Variants in DPYSL5 observed in about 807,000 individuals in gnomAD.
The protein encoded by DPYSL5 is dihydropyrimidinase-related protein 5.
In DPYSL5, 9 loss-of-function variants were observed where a neutral mutation model predicts 58.4. That is an observed-to-expected ratio of 0.15 (90% CI 0.09 to 0.27). The LOEUF is 0.27. Ranked by LOEUF, DPYSL5 falls within the 10% of genes least tolerant of loss-of-function variation. DPYSL5 has a pLI of 1.00. For missense variants in DPYSL5, 499 were observed against 770.6 expected (o/e 0.65, Z 4.17); for synonymous variants, 293 against 301.9 (o/e 0.97, Z 0.31).
At chr2:26,863,469 T>C (rs1374918470) in intron 1 of DPYSL5, among the ~76,000 whole-genome samples, 1 of 152,242 alleles carries the variant, frequency 6.6e-6, no homozygotes, top group African/African-American at 2.4e-5. Flanking sequence ...CTCATACCCC[T>C]GGGAGCTTGT....
At position 26,882,865 on chromosome 2, in the gene DPYSL5, C is replaced by T. The variant is rs1030668446; in HGVS notation, c.-4-15631C>T. Reference sequence around the variant, plus strand: ...GAGGCAGAGGTTGCAGTGAGCCGATCGTGCCACTGCACTCCAGCCTGGGTG... The same window carrying T: ...GAGGCAGAGGTTGCAGTGAGCCGATTGTGCCACTGCACTCCAGCCTGGGTG... On this transcript the variant is annotated intron_variant, in intron 1 of 12. Coordinates refer to ENST00000288699, the MANE Select transcript of DPYSL5 (RefSeq NM_020134.4). Among the ~76,000 whole-genome samples the T allele has an allele frequency of 3.4e-5, 5 of 147,358 alleles. No individual in the cohort carries two copies. In the East Asian group the frequency reaches 1.0e-3, roughly 30 times the overall value.
chr2:26,852,833 A>AC (rs1205023049), intron 1 of DPYSL5, among the ~76,000 whole-genome samples: 3 of 152,186 alleles, frequency 2.0e-5, no homozygotes, highest in Admixed American at 1.3e-4. Flanking sequence ...TGAGGCTTAC[A>AC]TGTGTTAATG....
rs1665804722 is a variant in DPYSL5 at position 26,853,524 on chromosome 2, C to A, written c.-5+5270C>A. Among the ~76,000 whole-genome samples the A allele has an allele frequency of 3.3e-5, 5 of 152,106 alleles. No homozygotes were observed. In the South Asian group the frequency reaches 1.0e-3, roughly 32 times the overall value. ...AGATGGGGACATGGCAGAGCCAGGC[C>A]TTGAACTCAAGGGGTTTGATTACCA... On this transcript the variant is annotated intron_variant, in intron 1 of 12. Transcript: ENST00000288699.
chr2:26,922,309 C>T lies in DPYSL5; in HGVS notation c.262-2578C>T, dbSNP rs537219399. Among the ~76,000 whole-genome samples, 18 of 152,324 alleles carry T rather than the reference C, an allele frequency of 1.2e-4. No homozygotes were observed. The South Asian group carries it at 2.9e-3, about 25-fold the overall frequency. On this transcript the variant is annotated intron_variant, in intron 2 of 12. Transcript: ENST00000288699. ...AGGATAGGCGCGTGTGGGCTGGGGG[C>T]AGGCACAGAGGCTGAGGCCAACTAT...
chr2:26,855,716 C>T (rs1253919355), intron 1 of DPYSL5, among the ~76,000 whole-genome samples: 2 of 152,162 alleles, frequency 1.3e-5, no homozygotes, highest in African/African-American at 2.4e-5. Context: ...TTCAAATCCG[C>T]CATGGGCTGA....
chr2:26,932,212 G>GAGAAAGA (rs1665048828), intron 6 of DPYSL5, among the ~76,000 whole-genome samples: 1 of 58,470 alleles, frequency 1.7e-5, no homozygotes, highest in Non-Finnish European at 3.5e-5. Flanking sequence ...AGAAAGAAAA[G>GAGAAAGA]AAAGAAAGAA....
At chr2:26,873,803 A>G (rs1405473398) in intron 1 of DPYSL5, among the ~76,000 whole-genome samples, 2 of 152,166 alleles carry the variant, frequency 1.3e-5, no homozygotes, top group Non-Finnish European at 2.9e-5. Flanking sequence ...TGAGGGGTGG[A>G]TCTTCTTTAC....
chr2:26,931,214 T>C (rs1461320267), intron 5 of DPYSL5, among the ~76,000 whole-genome samples: 1 of 115,778 alleles, frequency 8.6e-6, no homozygotes, highest in Non-Finnish European at 1.8e-5. Context: ...TATATATATA[T>C]ATATATATAT....
In DPYSL5 at chr2:26,884,520, T is replaced by TCACA. The variant is rs3070961; in HGVS notation, c.-4-13944_-4-13941dup. ...AACGCACAGCTAAGCTTGTCCTATC[T>TCACA]CACACACACACACACACACACACAC... On this transcript the variant is annotated intron_variant, in intron 1 of 12. Transcript: ENST00000288699. Among the ~76,000 whole-genome samples the TCACA allele has an allele frequency of 3.8e-3, 548 of 145,616 alleles. 1 individual carries two copies. Among genetic ancestry groups the TCACA allele is most frequent in the South Asian group, 0.01 (45 of 4,472 alleles).
rs1435625207 is a variant in DPYSL5, at chr2:26,924,715, C to T, written c.262-172C>T. On this transcript the variant is annotated intron_variant, in intron 2 of 12. Transcript: ENST00000288699. The surrounding 1 kb of genome is among the most constrained non-coding windows in gnomAD (Gnocchi z 4.7). The stretch of plus-strand genomic sequence containing the variant: ...TCATGATGAAGGTCGCGCTGGCTCT[C>T]GCACCTCCACATGGCTCTTTACAGT... Among the ~76,000 whole-genome samples, 3 of 152,132 alleles carry T rather than the reference C, an allele frequency of 2.0e-5. No homozygotes were observed. The highest frequency in any genetic ancestry group is 4.1e-4 in the South Asian group (2 of 4,828).
chr2:26,936,945 T>TAAAAAAAAAAAAAAAAAAAAAAAAAAAAA (rs55795892), intron 8 of DPYSL5, among the ~76,000 whole-genome samples: 7 of 77,886 alleles, frequency 9.0e-5, no homozygotes, highest in African/African-American at 3.5e-4. Flanking sequence ...AGACTTCATT[T>TAAAAAAAAAAAAAAAAAAAAAAAAAAAAA]AAAAAAAAAA....
chr2:26,858,461 G>T (rs1003571746), intron 1 of DPYSL5, among the ~76,000 whole-genome samples: 1 of 151,658 alleles, frequency 6.6e-6, no homozygotes, highest in East Asian at 1.9e-4. Context: ...GTGAGCCACC[G>T]CACCCAGCCC....
intron 5 of DPYSL5, among the ~76,000 whole-genome samples, chr2:26,929,825 C>A (rs192532220): frequency 2.0e-5 from 3 of 152,254 alleles, no homozygotes; most frequent in African/African-American, 4.8e-5. Flanking sequence ...CCCCTACAGT[C>A]CCCCTGCTAA....
rs560146180 is a variant in DPYSL5 at position 26,948,429 on chromosome 2, C to T, written c.*1434C>T. On this transcript the variant is annotated 3_prime_UTR_variant, in exon 13 of 13. Coordinates refer to ENST00000288699, the MANE Select transcript of DPYSL5 (RefSeq NM_020134.4). ...AACACTAGAGGCCGGGTGTCTCCTT[C>T]CACCTCCAGTGATCTGGGAAGTGAC... 1 of 152,470 alleles carries T rather than the reference C, an allele frequency of 6.6e-6. No individual in the cohort carries two copies. Among genetic ancestry groups the T allele is most frequent in the South Asian group, 2.1e-4 (1 of 4,834 alleles). The allele number at this position is 152,470 out of a possible 1,614,324, so 9.4% of individuals were successfully genotyped here. A position where few individuals can be genotyped will look rare whatever the true frequency, so the allele number is the denominator to read the frequency against.
At chr2:26,903,537 C>T (rs1664214914) in intron 2 of DPYSL5, among the ~76,000 whole-genome samples, 1 of 152,114 alleles carries the variant, frequency 6.6e-6, no homozygotes, top group South Asian at 2.1e-4. Flanking sequence ...TCTGTGTCCT[C>T]CCCATCATCC....
chr2:26,910,242 A>G (rs1461858653), intron 2 of DPYSL5, among the ~76,000 whole-genome samples: 1 of 152,240 alleles, frequency 6.6e-6, no homozygotes, highest in Non-Finnish European at 1.5e-5. Context: ...CCCTTGGGTA[A>G]TTACCCGGAA....
Position 26,942,829 on chromosome 2 carries a change from A to C in DPYSL5, c.1440+79A>C. The C allele has an allele frequency of 8.0e-6, 12 of 1,499,436 alleles. No homozygotes were observed. Among genetic ancestry groups the C allele is most frequent in the African/African-American group, 2.8e-5 (2 of 72,556 alleles). 92.9% of individuals were successfully genotyped at this position (1,499,436 alleles called of 1,614,324 possible). The stretch of plus-strand genomic sequence containing the variant: ...TCCTCCATGACTGTTTTAAATCTCA[A>C]AGAGATGTTCACTCCAGTTTTCGAC... On this transcript the variant is annotated intron_variant, in intron 11 of 12. Coordinates refer to ENST00000288699, the MANE Select transcript of DPYSL5 (RefSeq NM_020134.4). The surrounding 1 kb of genome is among the most constrained non-coding windows in gnomAD (Gnocchi z 5.9).
In DPYSL5 at chr2:26,866,327, C is replaced by T. The variant is rs969615073; in HGVS notation, c.-5+18073C>T. Among the ~76,000 whole-genome samples the T allele has an allele frequency of 7.9e-5, 12 of 152,260 alleles. No homozygotes were observed. The South Asian group carries it at 8.3e-4, about 11-fold the overall frequency. On this transcript the variant is annotated intron_variant, in intron 1 of 12. Transcript: ENST00000288699. ...TTGACTGGGTGAGTATAGTTTTCCC[C>T]TGATTTTATTAACAATACATATTCA...
In DPYSL5 at chr2:26,874,835, T is replaced by C. The variant is rs114562650; in HGVS notation, c.-4-23661T>C. Among the ~76,000 whole-genome samples the C allele has an allele frequency of 1.0e-2, 1,520 of 152,338 alleles. 28 individuals carry two copies. Among genetic ancestry groups the C allele is most frequent in the African/African-American group, 0.034 (1,417 of 41,564 alleles). On this transcript the variant is annotated intron_variant, in intron 1 of 12. Transcript: ENST00000288699. ...TGTTCTAGGTCGTACATATTTTATATAAATTTAATATGAGCTTATCAATAT... is the reference window on the plus strand; with the variant it reads ...TGTTCTAGGTCGTACATATTTTATACAAATTTAATATGAGCTTATCAATAT...
Sources: allele counts gnomAD v4.1 joint callset (sites outside exome capture counted in the v4.1 genomes callset), GRCh38; gene constraint gnomAD v4.1.1; non-coding constraint Gnocchi (gnomAD v3.1); transcripts MANE v1.5; gene names NCBI Gene and HGNC (gene_info 2026-07-23, HGNC 2026-07-21).